STX17: variants seen among roughly 807,000 people sequenced by gnomAD.
The protein encoded by STX17 is syntaxin-17.
Under a neutral mutation model 35.9 loss-of-function variants are expected in STX17, and 29 were observed. The observed-to-expected ratio is 0.81, with a 90% CI of 0.60 to 1.10. STX17 has a LOEUF of 1.10. Ranked by LOEUF, STX17 falls within the 50% of genes least tolerant of loss-of-function variation. The pLI, the probability that STX17 is intolerant of heterozygous loss-of-function variation, is 0.00. For missense variants in STX17, 312 were observed against 352.3 expected, an observed-to-expected ratio of 0.89 and a Z score of 0.92; for synonymous variants, 92 against 118.3, an observed-to-expected ratio of 0.78 and a Z score of 1.44.
intron 3 of STX17, among the ~76,000 whole-genome samples, chr9:99,931,705 A>G (rs1445030479): frequency 6.6e-6 from 1 of 152,034 alleles, no homozygotes; most frequent in East Asian, 1.9e-4. Context: ...TCCCTGTTCT[A>G]TTGGATGTTG....
chr9:99,916,257 G>A (rs1828767713), intron 2 of STX17: 1 of 337,966 alleles, frequency 3.0e-6, no homozygotes, highest in South Asian at 2.4e-5. Flanking sequence ...GGCATTTTTG[G>A]AAACATCAAG....
chr9:99,938,362 T>A (rs2118417028), intron 3 of STX17, among the ~76,000 whole-genome samples: 1 of 152,310 alleles, frequency 6.6e-6, no homozygotes, highest in African/African-American at 2.4e-5. Flanking sequence ...ACTTAACAAT[T>A]TTCTTTTCTA....
intron 3 of STX17, among the ~76,000 whole-genome samples, chr9:99,936,547 C>G (rs1411588829): frequency 6.6e-6 from 1 of 151,186 alleles, no homozygotes; most frequent in East Asian, 1.9e-4. Context: ...GGCTTTTTTC[C>G]TTCTTTCATG....
intron 3 of STX17, chr9:99,945,772 A>AT (rs749796075): frequency 9.4e-5 from 37 of 394,874 alleles, no homozygotes; most frequent in South Asian, 1.9e-4. Flanking sequence ...GTGGAACAAA[A>AT]ATTTTTTTTT....
chr9:99,953,092 T>C (rs948082112), intron 4 of STX17, among the ~76,000 whole-genome samples: 4 of 152,034 alleles, frequency 2.6e-5, no homozygotes, highest in Non-Finnish European at 5.9e-5. Flanking sequence ...CCATTTTTTC[T>C]TTTTTTATTT....
rs781451173 is a variant in STX17, at chr9:99,973,709, CT to C, written c.*5037del. 6.6e-6 allele frequency among the ~76,000 whole-genome samples: 1 copy of C among 152,182 alleles called. No individual in the cohort carries two copies. Among genetic ancestry groups the C allele is most frequent in the Non-Finnish European group, 1.5e-5 (1 of 68,014 alleles). On this transcript the variant is annotated 3_prime_UTR_variant, in exon 8 of 8. Transcript: ENST00000259400. Reference sequence around the variant, plus strand: ...TTGATCTTCCCCCAACTTTAAGTGACTCAGTTCCTTATATCACTGCCACAAG... The same window carrying C: ...TTGATCTTCCCCCAACTTTAAGTGACCAGTTCCTTATATCACTGCCACAAG...
chr9:99,910,250 A>G (rs1437728519), intron 1 of STX17, among the ~76,000 whole-genome samples: 1 of 152,062 alleles, frequency 6.6e-6, no homozygotes, highest in African/African-American at 2.4e-5. Context: ...AAAAAAAGAA[A>G]AAAAAAAAAG....
rs1830010304 is a variant in STX17, at chr9:99,971,230, T to C, written c.*2557T>C. Among the ~76,000 whole-genome samples the C allele has an allele frequency of 3.9e-5, 6 of 152,158 alleles. No homozygotes were observed. The South Asian group carries it at 1.2e-3, about 32-fold the overall frequency. ...AACAAGTTAGAAAGTGGGAACACTT[T>C]GATTAATGTCTTAAAATTTGTGGGC... is the stretch of plus-strand genomic sequence containing the variant. On this transcript the variant is annotated 3_prime_UTR_variant, in exon 8 of 8. Coordinates refer to ENST00000259400, the MANE Select transcript of STX17 (RefSeq NM_017919.3).
chr9:99,918,788 G>A (rs543519764), intron 2 of STX17, among the ~76,000 whole-genome samples: 48 of 152,234 alleles, frequency 3.2e-4, no homozygotes, highest in African/African-American at 1.1e-3. Flanking sequence ...GTAACTCTAG[G>A]TCTTGTTAGC....
chr9:99,954,421 G>T (rs1235686434), intron 4 of STX17, among the ~76,000 whole-genome samples: 1 of 151,858 alleles, frequency 6.6e-6, no homozygotes, highest in Non-Finnish European at 1.5e-5. Context: ...CTGCTATATT[G>T]CCTCAAGTCC....
At chr9:99,909,733 A>G (rs745496124) in intron 1 of STX17, among the ~76,000 whole-genome samples, 1 of 152,192 alleles carries the variant, frequency 6.6e-6, no homozygotes, top group Non-Finnish European at 1.5e-5. Context: ...CAGGGTGACT[A>G]TAATAATTCA....
At chr9:99,926,927 C>T (rs767780995) in intron 2 of STX17, among the ~76,000 whole-genome samples, 2 of 152,238 alleles carry the variant, frequency 1.3e-5, no homozygotes, top group Non-Finnish European at 2.9e-5. Context: ...GGTTTTTCCA[C>T]TCTGACTTGT....
At chr9:99,932,399 C>A (rs1829143897) in intron 3 of STX17, among the ~76,000 whole-genome samples, 1 of 151,788 alleles carries the variant, frequency 6.6e-6, no homozygotes, top group Non-Finnish European at 1.5e-5. Context: ...CTCTCTATAG[C>A]TGTATTTACT....
In STX17 at chr9:99,960,155, T is replaced by C. The variant is rs1829797643; in HGVS notation, c.582T>C (p.Asn194=). ...TCACTGACTTCTCTCTCCTAGTGAA[T>C]GTAAGTATATAACTGTTTTGGATGC... The part of the protein sequence containing the change: ...QLVTDFSLLV[N]SQQEKIDSIA... The change falls in exon 6 of 8, where the codon AAT becomes AAC. Residue 194 remains asparagine, a splice_region_variant and synonymous_variant. Coordinates refer to ENST00000259400, the MANE Select transcript of STX17 (RefSeq NM_017919.3). The C allele has an allele frequency of 1.2e-6, 2 of 1,613,850 alleles. No homozygotes were observed. The highest frequency in any genetic ancestry group is 1.7e-6 in the Non-Finnish European group (2 of 1,179,822).
intron 3 of STX17, among the ~76,000 whole-genome samples, chr9:99,942,384 T>C (rs1035693336): frequency 6.6e-6 from 1 of 152,208 alleles, no homozygotes; most frequent in Non-Finnish European, 1.5e-5. Context: ...TGCCACTCAG[T>C]GGTTTACTTT....
intron 6 of STX17, among the ~76,000 whole-genome samples, chr9:99,962,425 T>C (rs939686998): frequency 6.6e-6 from 1 of 152,222 alleles, no homozygotes; most frequent in African/African-American, 2.4e-5. Flanking sequence ...GTAAAACCTA[T>C]ACATGTATGG....
intron 1 of STX17, among the ~76,000 whole-genome samples, chr9:99,908,633 T>C (rs1828601062): frequency 6.6e-6 from 1 of 152,184 alleles, no homozygotes; most frequent in South Asian, 2.1e-4. Context: ...TTTTTGGAAC[T>C]TCCTAATTTT....
In STX17 at chr9:99,968,706, G is replaced by A. The variant is rs1829968862; in HGVS notation, c.*33G>A. 5.0e-6 allele frequency: 8 copies of A among 1,597,154 alleles called. No homozygotes were observed. The South Asian group carries it at 9.2e-5, about 18-fold the overall frequency. Reference sequence around the variant, plus strand: ...ATTTCAGTATTATTGGTGCCAACATGTCTATCCTGAGGACCTTTGCTGCTG... The same window carrying A: ...ATTTCAGTATTATTGGTGCCAACATATCTATCCTGAGGACCTTTGCTGCTG... On this transcript the variant is annotated 3_prime_UTR_variant, in exon 8 of 8. Coordinates refer to ENST00000259400, the MANE Select transcript of STX17 (RefSeq NM_017919.3).
At chr9:99,926,623 G>C (rs1253101161) in intron 2 of STX17, among the ~76,000 whole-genome samples, 1 of 151,734 alleles carries the variant, frequency 6.6e-6, no homozygotes, top group Non-Finnish European at 1.5e-5. Context: ...TCAGCCTCCT[G>C]AGTAGCTGGG....
Sources: allele counts gnomAD v4.1 joint callset (sites outside exome capture counted in the v4.1 genomes callset), GRCh38; gene constraint gnomAD v4.1.1; transcripts MANE v1.5; gene names NCBI Gene and HGNC (gene_info 2026-07-23, HGNC 2026-07-21).